Variants in GALNT13 observed in about 807,000 individuals in gnomAD.
The protein encoded by GALNT13 is polypeptide N-acetylgalactosaminyltransferase 13, also known as UDP-GalNAc:polypeptide N-acetylgalactosaminyltransferase 13.
A neutral mutation model predicts 64.2 loss-of-function variants in GALNT13; 28 were observed. The ratio of observed to expected loss-of-function variants is 0.44; its 90% confidence interval spans 0.32 to 0.60. The LOEUF (loss-of-function observed/expected upper bound fraction) is 0.60. Among genes scored for constraint, GALNT13 ranks in the 20% least tolerant of loss-of-function variants. The pLI is 0.05. For synonymous variants in GALNT13, 214 were observed against 224.6 expected, an observed-to-expected ratio of 0.95 and a Z score of 0.42; for missense variants, 577 against 669.8, an observed-to-expected ratio of 0.86 and a Z score of 1.53.
chr2:154,172,184 A>G (rs1281487217), intron 4 of GALNT13, among the ~76,000 whole-genome samples: 1 of 152,018 alleles, frequency 6.6e-6, no homozygotes, highest in Non-Finnish European at 1.5e-5. Flanking sequence ...TTTTTTACAG[A>G]TGCATAATAG....
chr2:154,155,789 A>T (rs539422191), intron 4 of GALNT13, among the ~76,000 whole-genome samples: 1 of 151,950 alleles, frequency 6.6e-6, no homozygotes, highest in African/African-American at 2.4e-5. Context: ...TTAATATTTA[A>T]TGTTGCTATG....
At chr2:153,368,469 A>G in the GALNT13 span, among the ~76,000 whole-genome samples, 1 of 152,144 alleles carries the variant, frequency 6.6e-6, no homozygotes, top group Non-Finnish European at 1.5e-5. Context: ...CACTCAGTCT[A>G]TGATATTTTG....
At chr2:153,457,095 C>T in the GALNT13 span, among the ~76,000 whole-genome samples, 3 of 152,164 alleles carry the variant, frequency 2.0e-5, no homozygotes, top group Non-Finnish European at 4.4e-5. Flanking sequence ...TCCTTTGACA[C>T]AGAGTAGTCG....
At chr2:153,616,241 A>G in the GALNT13 span, among the ~76,000 whole-genome samples, 1 of 151,702 alleles carries the variant, frequency 6.6e-6, no homozygotes, top group Admixed American at 6.6e-5. Context: ...AGTTTACTGT[A>G]GGGGTGTGAA....
At chr2:153,142,889 C>A in the GALNT13 span, among the ~76,000 whole-genome samples, 1 of 151,910 alleles carries the variant, frequency 6.6e-6, no homozygotes, top group East Asian at 1.9e-4. Context: ...ATGATGTTAA[C>A]ATGGTGGGTC....
the GALNT13 span, among the ~76,000 whole-genome samples, chr2:153,383,589 TTCAGGCTTATCA>T: frequency 6.6e-6 from 1 of 152,130 alleles, no homozygotes; most frequent in African/African-American, 2.4e-5. Context: ...AGGGTATATT[TTCAGGCTTATCA>T]TTGGCTTTCT....
the GALNT13 span, among the ~76,000 whole-genome samples, chr2:153,610,870 TTCAA>T: frequency 6.6e-6 from 1 of 152,096 alleles, no homozygotes; most frequent in African/African-American, 2.4e-5. Context: ...GGCAAATTGT[TTCAA>T]TGAAAGAAAG....
At chr2:153,298,618 T>C in the GALNT13 span, among the ~76,000 whole-genome samples, 1 of 152,218 alleles carries the variant, frequency 6.6e-6, no homozygotes, top group East Asian at 1.9e-4. Context: ...TCCTTACCCT[T>C]GATAACAAGA....
intron 11 of GALNT13, among the ~76,000 whole-genome samples, chr2:154,421,718 T>TTAATTGCATTCTACAC (rs1255433932): frequency 6.6e-6 from 1 of 152,120 alleles, no homozygotes; most frequent in Admixed American, 6.6e-5. Context: ...CTACACTAAT[T>TTAATTGCATTCTACAC]TGAAGCATGT....
At chr2:153,795,675 G>A in the GALNT13 span, among the ~76,000 whole-genome samples, 1 of 152,114 alleles carries the variant, frequency 6.6e-6, no homozygotes, top group African/African-American at 2.4e-5. Context: ...GGTTACAATT[G>A]ATTCCTTGAA....
chr2:153,631,725 A>G, the GALNT13 span, among the ~76,000 whole-genome samples: 1 of 152,126 alleles, frequency 6.6e-6, no homozygotes, highest in African/African-American at 2.4e-5. Context: ...TCAGATGAGT[A>G]GGTTGCAAAA....
chr2:153,589,236 C>T, the GALNT13 span, among the ~76,000 whole-genome samples: 20 of 152,132 alleles, frequency 1.3e-4, no homozygotes, highest in Non-Finnish European at 1.6e-4. Context: ...GGCAAAATGC[C>T]GCCAGTCTCT....
At chr2:154,238,972 AC>A (rs1227057741) in intron 4 of GALNT13, among the ~76,000 whole-genome samples, 4 of 152,010 alleles carry the variant, frequency 2.6e-5, no homozygotes, top group African/African-American at 9.7e-5. Flanking sequence ...GAACCATTTT[AC>A]CCTTTGATGA....
intron 4 of GALNT13, among the ~76,000 whole-genome samples, chr2:154,214,526 C>T (rs1687941270): frequency 1.3e-5 from 2 of 152,144 alleles, no homozygotes; most frequent in South Asian, 2.1e-4. Flanking sequence ...ATAATCCCCA[C>T]GTGTTAAGGG....
intron 3 of GALNT13, among the ~76,000 whole-genome samples, chr2:154,042,993 C>T (rs1213511894): frequency 1.3e-5 from 2 of 151,742 alleles, no homozygotes; most frequent in African/African-American, 4.8e-5. Flanking sequence ...AGGTATTTCC[C>T]TAATATGGGA....
intron 4 of GALNT13, among the ~76,000 whole-genome samples, chr2:154,189,369 G>A (rs1430573997): frequency 6.7e-6 from 1 of 149,170 alleles, no homozygotes; most frequent in Non-Finnish European, 1.5e-5. Flanking sequence ...CCTTTGAAAA[G>A]TAATTAGGTT....
chr2:153,130,364 C>T, the GALNT13 span, among the ~76,000 whole-genome samples: 1 of 152,112 alleles, frequency 6.6e-6, no homozygotes, highest in Non-Finnish European at 1.5e-5. Context: ...CATCCTGGCT[C>T]CCATTAGGTA....
intron 4 of GALNT13, among the ~76,000 whole-genome samples, chr2:154,218,940 C>G (rs1030054140): frequency 1.3e-5 from 2 of 151,762 alleles, no homozygotes; most frequent in Non-Finnish European, 2.9e-5. Flanking sequence ...CAGAGTGTGC[C>G]CTACAGTTAT....
the GALNT13 span, among the ~76,000 whole-genome samples, chr2:153,511,721 T>G: frequency 6.6e-6 from 1 of 152,212 alleles, no homozygotes; most frequent in Non-Finnish European, 1.5e-5. Context: ...GGTTGTAGTT[T>G]TGCCAAGTGA....
Sources: allele counts gnomAD v4.1 joint callset (sites outside exome capture counted in the v4.1 genomes callset), GRCh38; gene constraint gnomAD v4.1.1; transcripts MANE v1.5; gene names NCBI Gene and HGNC (gene_info 2026-07-23, HGNC 2026-07-21).